BEGAIN: variants seen among roughly 807,000 people sequenced by gnomAD.
The protein encoded by BEGAIN is brain-enriched guanylate kinase-associated protein.
BEGAIN carries 19 observed loss-of-function variants against 35.8 expected under a neutral mutation model. The observed-to-expected ratio is 0.53, with a 90% CI of 0.37 to 0.78. The LOEUF (loss-of-function observed/expected upper bound fraction) is 0.78. BEGAIN is among the 30% of genes least tolerant of loss of function. The probability of loss-of-function intolerance (pLI) is 0.00; values close to 1 mark genes in which losing one functional copy is unlikely to be tolerated. For missense variants in BEGAIN, 795 were observed against 853.6 expected (o/e 0.93, Z 0.85); for synonymous variants, 462 against 388.6 (o/e 1.19, Z -2.22).
Position 100,582,728 on chromosome 14 carries a change from C to T in BEGAIN, c.42+4521G>A, listed in dbSNP as rs529058831. On this transcript the variant is annotated intron_variant, in intron 1 of 6. Coordinates refer to ENST00000554140, the MANE Select transcript of BEGAIN (RefSeq NM_001385089.1). ...GAACCCCGGCTGGCCGCTGACCTTT[C>T]GAAGAGGTCTCACTGCTTCTTCCTT... 5.0e-4 allele frequency among the ~76,000 whole-genome samples: 76 copies of T among 152,222 alleles called. 3 individuals carry two copies. Among genetic ancestry groups the T allele is most frequent in the African/African-American group, 1.6e-3 (65 of 41,540 alleles).
intron 2 of BEGAIN, among the ~76,000 whole-genome samples, chr14:100,554,869 G>A (rs980446957): frequency 2.0e-5 from 3 of 152,296 alleles, no homozygotes; most frequent in South Asian, 2.1e-4. Context: ...CCCCAGCCTC[G>A]CCATTCCTGG....
intron 6 of BEGAIN, 55 bp from the exon 7 acceptor site, chr14:100,539,370 A>C (rs544089767): frequency 2.0e-6 from 3 of 1,501,728 alleles, no homozygotes; most frequent in East Asian, 4.6e-5. Context: ...TTAGCATGGC[A>C]GCCCAGCCCT....
Position 100,537,227 on chromosome 14 carries a change from G to A in BEGAIN, c.*742C>T, listed in dbSNP as rs906513350. The A allele has an allele frequency of 6.5e-6, 1 of 152,694 alleles. No individual in the cohort carries two copies. The highest frequency in any genetic ancestry group is 1.5e-5 in the Non-Finnish European group (1 of 68,070). The allele number at this position is 152,694 out of a possible 1,614,324, so 9.5% of individuals were successfully genotyped here. A position where few individuals can be genotyped will look rare whatever the true frequency, so the allele number is the denominator to read the frequency against. On this transcript the variant is annotated 3_prime_UTR_variant, in exon 7 of 7. Transcript: ENST00000554140. ...GGCATGCATCAGAGACAACAAGAATGCAAGCTACAGAAACCAGGAATGGAG... is the reference window on the plus strand; with the variant it reads ...GGCATGCATCAGAGACAACAAGAATACAAGCTACAGAAACCAGGAATGGAG...
chr14:100,541,604 T>C (rs985944334), intron 5 of BEGAIN, among the ~76,000 whole-genome samples: 1 of 152,120 alleles, frequency 6.6e-6, no homozygotes, highest in African/African-American at 2.4e-5. Context: ...ACTGACCCCT[T>C]GTATGACCCC....
rs2033952807 is a variant in BEGAIN, at chr14:100,558,457, G to A, written c.71+9454C>T. 6.6e-6 allele frequency among the ~76,000 whole-genome samples: 1 copy of A among 152,134 alleles called. No individual in the cohort carries two copies. Among genetic ancestry groups the A allele is most frequent in the Non-Finnish European group, 1.5e-5 (1 of 68,024 alleles). Reference sequence around the variant, plus strand: ...CCTCCTGGCACCAGCGTGTCCCGGGGATCTGGCCTCCGGCATCTCCTTCCC... The same window carrying A: ...CCTCCTGGCACCAGCGTGTCCCGGGAATCTGGCCTCCGGCATCTCCTTCCC... On this transcript the variant is annotated intron_variant, in intron 2 of 6. Transcript: ENST00000554140. The surrounding 1 kb of genome is among the most constrained non-coding windows in gnomAD (Gnocchi z 4.6).
intron 6 of BEGAIN, among the ~76,000 whole-genome samples, chr14:100,539,620 G>A (rs1408312405): frequency 6.6e-6 from 1 of 152,190 alleles, no homozygotes; most frequent in African/African-American, 2.4e-5. Flanking sequence ...CGGAACCCAG[G>A]TCTGATTCAG....
In BEGAIN at chr14:100,583,855, C is replaced by A. The variant is rs1014159655; in HGVS notation, c.42+3394G>T. Among the ~76,000 whole-genome samples the A allele has an allele frequency of 2.0e-5, 3 of 152,074 alleles. No homozygotes were observed. In the East Asian group the frequency reaches 5.8e-4, roughly 30 times the overall value. ...GGAACTACAGGTGCACACCACCACA[C>A]CCACCTAATTTTTTTTGTATTTTTA... On this transcript the variant is annotated intron_variant, in intron 1 of 6. Coordinates refer to ENST00000554140, the MANE Select transcript of BEGAIN (RefSeq NM_001385089.1).
rs1595151544 is a variant in BEGAIN, at chr14:100,577,331, G to C, written c.43-9392C>G. 5 of 399,064 alleles carry C rather than the reference G, an allele frequency of 1.3e-5. No individual in the cohort carries two copies. The Middle Eastern group carries it at 3.1e-3, about 251-fold the overall frequency. The allele number at this position is 399,064 out of a possible 1,614,324, so 24.7% of individuals were successfully genotyped here. A position where few individuals can be genotyped will look rare whatever the true frequency, so the allele number is the denominator to read the frequency against. ...CTCACCCGACCTGGAGACCTCCAAG[G>C]GGAGGCAGTCCGGCCTCCACGCTTG... On this transcript the variant is annotated intron_variant, in intron 1 of 6. Transcript: ENST00000554140.
intron 3 of BEGAIN, chr14:100,546,276 A>T: frequency 4.7e-6 from 1 of 211,550 alleles, no homozygotes; most frequent in East Asian, 5.8e-5. Flanking sequence ...ATCTGAGTGG[A>T]GTCAACAGCC....
chr14:100,568,117 G>A lies in BEGAIN; in HGVS notation c.43-178C>T. The A allele has an allele frequency of 9.8e-7, 1 of 1,018,474 alleles. No individual in the cohort carries two copies. Among genetic ancestry groups the A allele is most frequent in the Non-Finnish European group, 1.2e-6 (1 of 852,034 alleles). The allele number at this position is 1,018,474 out of a possible 1,614,324, so 63.1% of individuals were successfully genotyped here. Reference sequence around the variant, plus strand: ...GGCCGCGGCCCCCGTGACTCAGTGGGCGCGCCGGGCCGCGGCCGAGTAACA... The same window carrying A: ...GGCCGCGGCCCCCGTGACTCAGTGGACGCGCCGGGCCGCGGCCGAGTAACA... On this transcript the variant is annotated intron_variant, in intron 1 of 6. Coordinates refer to ENST00000554140, the MANE Select transcript of BEGAIN (RefSeq NM_001385089.1). The surrounding 1 kb of genome is among the most constrained non-coding windows in gnomAD (Gnocchi z 7.5).
At chr14:100,541,160 T>A (rs1362546960) in intron 5 of BEGAIN, among the ~76,000 whole-genome samples, 1 of 152,256 alleles carries the variant, frequency 6.6e-6, no homozygotes, top group Non-Finnish European at 1.5e-5. Context: ...TGGCTCAGCC[T>A]CCTGAGCTGA....
At chr14:100,579,245 T>C (rs969625815) in intron 1 of BEGAIN, among the ~76,000 whole-genome samples, 2 of 152,262 alleles carry the variant, frequency 1.3e-5, no homozygotes, top group Non-Finnish European at 2.9e-5. Flanking sequence ...GTAGCAGCTA[T>C]GTGCAATTCT....
Position 100,537,848 on chromosome 14 carries a change from C to CA in BEGAIN, c.*120dup. 7.2e-7 allele frequency: 1 copy of CA among 1,394,504 alleles called. No individual in the cohort carries two copies. Among genetic ancestry groups the CA allele is most frequent in the African/African-American group, 1.5e-5 (1 of 67,242 alleles). The allele number at this position is 1,394,504 out of a possible 1,614,324, so 86.4% of individuals were successfully genotyped here. A position where few individuals can be genotyped will look rare whatever the true frequency, so the allele number is the denominator to read the frequency against. Reference sequence around the variant, plus strand: ...GGAGGAGAGGAGGTGCGGGGAGGAACAGACTCCTCGTTGTTGGCCGGGGCA... The same window carrying CA: ...GGAGGAGAGGAGGTGCGGGGAGGAACAAGACTCCTCGTTGTTGGCCGGGGCA... On this transcript the variant is annotated 3_prime_UTR_variant, in exon 7 of 7. Coordinates refer to ENST00000554140, the MANE Select transcript of BEGAIN (RefSeq NM_001385089.1).
At chr14:100,556,662 T>C (rs1383147797) in intron 2 of BEGAIN, among the ~76,000 whole-genome samples, 2 of 152,158 alleles carry the variant, frequency 1.3e-5, no homozygotes, top group African/African-American at 2.4e-5. Flanking sequence ...TGTCTCCTCA[T>C]CAGGGCACAG....
intron 1 of BEGAIN, among the ~76,000 whole-genome samples, chr14:100,570,021 A>G (rs979485871): frequency 2.0e-5 from 3 of 152,108 alleles, no homozygotes; most frequent in African/African-American, 7.2e-5. Context: ...CCAACAGAGA[A>G]GAGGCTTGCT....
At chr14:100,545,469 CTATG>C in intron 3 of BEGAIN, 1 of 1,017,446 alleles carries the variant, frequency 9.8e-7, no homozygotes, top group Non-Finnish European at 1.2e-6. Context: ...TTAACACTAA[CTATG>C]TGATGGGCCC....
chr14:100,538,574 T>C lies in BEGAIN; in HGVS notation c.1234A>G (p.Met412Val). 1.3e-6 allele frequency: 2 copies of C among 1,545,292 alleles called. No homozygotes were observed. Among genetic ancestry groups the C allele is most frequent in the Non-Finnish European group, 1.7e-6 (2 of 1,145,370 alleles). Residue 412 changes from methionine (M) to valine (V), a missense_variant, in exon 7 of 7, where the codon ATG (methionine) becomes GTG (valine). Physicochemically the swap from Met to Val is conservative, Grantham distance 21 (BLOSUM62 1). Transcript: ENST00000554140. ...CGCAGGCTCCACAGGTTTGGGGGCA[T>C]CAGGGCCTGCTGGGGACCCGGAGAG... is the stretch of plus-strand genomic sequence containing the variant. ...PASPGPQQAL[M>V]PPNLWSLRAK...
At position 100,544,042 on chromosome 14, in the gene BEGAIN, C is replaced by A. The variant is rs75908754; in HGVS notation, c.301-77G>T. The A allele has an allele frequency of 2.5e-3, 2,731 of 1,074,280 alleles. 65 individuals carry two copies. In the African/African-American group the frequency reaches 0.038, roughly 15 times the overall value. 66.5% of individuals were successfully genotyped at this position (1,074,280 alleles called of 1,614,324 possible). On this transcript the variant is annotated intron_variant, in intron 4 of 6. Transcript: ENST00000554140. ...CAACCCAGTCGCTCGATTGCACCCC[C>A]TGGTTTGTCCCTTGTAGCCATGAGT...
At chr14:100,579,419 A>G (rs1237308173) in intron 1 of BEGAIN, among the ~76,000 whole-genome samples, 1 of 152,206 alleles carries the variant, frequency 6.6e-6, no homozygotes, top group African/African-American at 2.4e-5. Context: ...ATTTGTGTGA[A>G]GGGAGACACG....
Sources: gnomAD v4.1 joint callset for allele counts (sites outside exome capture counted in the v4.1 genomes callset) on GRCh38, gnomAD v4.1.1 for gene constraint, Gnocchi (gnomAD v3.1) non-coding constraint, MANE v1.5 for transcripts, NCBI Gene and HGNC (gene_info 2026-07-23, HGNC 2026-07-21) for gene names.